The following LRRK2 variants were observed in gnomAD, a reference collection of about 807,000 sequenced individuals.
LRRK2 encodes the protein leucine-rich repeat serine/threonine-protein kinase 2.
In LRRK2, 203 loss-of-function variants were observed where a neutral mutation model predicts 302.6. The observed-to-expected ratio is 0.67, with a 90% CI of 0.60 to 0.75. The LOEUF is 0.75. Ranked by LOEUF, LRRK2 falls within the 30% of genes least tolerant of loss-of-function variation. The pLI, the probability that LRRK2 is intolerant of heterozygous loss-of-function variation, is 0.00. For synonymous variants in LRRK2, 1,066 were observed against 1,031.9 expected, an observed-to-expected ratio of 1.03 and a Z score of -0.63; for missense variants, 2,830 against 2,951.0, an observed-to-expected ratio of 0.96 and a Z score of 0.95.
chr12:40,312,596 G>C (rs558956921), intron 31 of LRRK2: 1 of 152,178 alleles, frequency 6.6e-6, no homozygotes, highest in African/African-American at 2.4e-5. Flanking sequence ...ACACTTTTAA[G>C]TTTTGTTTTT....
At chr12:40,246,304 T>C (rs1941978639) in intron 7 of LRRK2, among the ~76,000 whole-genome samples, 1 of 151,884 alleles carries the variant, frequency 6.6e-6, no homozygotes, top group Non-Finnish European at 1.5e-5. Context: ...CATCTACAGG[T>C]TTTCTAATAC....
At chr12:40,309,074 A>G (rs527646749) in intron 29 of LRRK2, 32 bp from the exon 30 acceptor site, 1 of 1,611,144 alleles carries the variant, frequency 6.2e-7, no homozygotes, top group South Asian at 1.1e-5. Context: ...CGTTTGAAAG[A>G]TTAAAAAAAT....
chr12:40,300,560 A>G (rs1944584997), intron 25 of LRRK2, among the ~76,000 whole-genome samples: 1 of 152,180 alleles, frequency 6.6e-6, no homozygotes, highest in Non-Finnish European at 1.5e-5. Flanking sequence ...TAATGATCAA[A>G]GCCATCTTAA....
intron 7 of LRRK2, among the ~76,000 whole-genome samples, chr12:40,244,294 T>C (rs1220385802): frequency 6.6e-6 from 1 of 152,220 alleles, no homozygotes; most frequent in Non-Finnish European, 1.5e-5. Context: ...TATGTTGTCT[T>C]CTGCAATTTT....
chr12:40,356,135 T>C lies in LRRK2; in HGVS notation c.6791T>C (p.Leu2264Ser). ...SKQSKQKNFL[L>S]VGTADGKLAI... ...TTTAGCAAACAAAAAAATTTTCTTTTGGTTGGAACCGCTGATGGCAAGTTA... is the reference window on the plus strand; with the variant it reads ...TTTAGCAAACAAAAAAATTTTCTTTCGGTTGGAACCGCTGATGGCAAGTTA... Residue 2264 changes from leucine to serine, a missense_variant, in exon 46 of 51, where the codon TTG becomes TCG. Physicochemically the swap from Leu to Ser is moderately radical, Grantham distance 145. This residue lies in a region of LRRK2 where 456 missense variants were observed against 456.3 expected (regional missense o/e 1.00). Transcript: ENST00000298910. 8 of 1,612,168 alleles carry C rather than the reference T, an allele frequency of 5.0e-6. No individual in the cohort carries two copies. The highest frequency in any genetic ancestry group is 6.8e-6 in the Non-Finnish European group (8 of 1,179,058).
At chr12:40,281,713 C>T (rs959291451) in intron 18 of LRRK2, among the ~76,000 whole-genome samples, 4 of 152,186 alleles carry the variant, frequency 2.6e-5, no homozygotes, top group Admixed American at 2.6e-4. Context: ...TTCACTTTCT[C>T]ATATATGTCT....
Position 40,304,033 on chromosome 12 carries a change from T to C in LRRK2, c.3676T>C (p.Leu1226=). The change falls in exon 27 of 51, where the codon TTA becomes CTA. Residue 1226 remains leucine (L), a synonymous_variant. Coordinates refer to ENST00000298910, the MANE Select transcript of LRRK2 (RefSeq NM_198578.4). ...HWKSLNLREL[L]FSHNQISILD... is the part of the protein sequence containing the mutation. ...GAAATCTTTGAACTTAAGGGAACTC[T>C]TATTTAGCCATAATCAGATCAGCAT... 6.2e-7 allele frequency: 1 copy of C among 1,613,752 alleles called. No individual in the cohort carries two copies. The highest frequency in any genetic ancestry group is 1.1e-5 in the South Asian group (1 of 91,070).
chr12:40,346,923 G>A lies in LRRK2; in HGVS notation c.6280G>A (p.Asp2094Asn), dbSNP rs1413859215. 1.2e-6 allele frequency: 2 copies of A among 1,608,530 alleles called. No homozygotes were observed. The highest frequency in any genetic ancestry group is 1.3e-5 in the African/African-American group (1 of 74,608). ...ATTAGAAATACAAGGAAAATTACCT[G>A]GTAAGTTCTGTTTTCTCTACAATGA... ...DELEIQGKLPDPVKEYGCAPW... is the reference protein window; with the variant it reads ...DELEIQGKLPNPVKEYGCAPW... The change falls in exon 42 of 51, where the codon GAT (aspartate) becomes AAT (asparagine). Residue 2094 changes from aspartate (D) to asparagine (N), a missense_variant and splice_region_variant. Physicochemically the swap from Asp to Asn is conservative, Grantham distance 23. Transcript: ENST00000298910.
chr12:40,312,635 C>T (rs1945072153), intron 31 of LRRK2: 1 of 152,068 alleles, frequency 6.6e-6, no homozygotes, highest in Admixed American at 6.6e-5. Context: ...AACTGATAAT[C>T]ATGCTGAAAG....
chr12:40,324,774 T>C (rs1402665315), intron 38 of LRRK2, among the ~76,000 whole-genome samples: 2 of 152,198 alleles, frequency 1.3e-5, no homozygotes, highest in Admixed American at 6.5e-5. Flanking sequence ...TTAGTAATAG[T>C]GGGTTAACAT....
chr12:40,302,330 CATT>C (rs1944662115), intron 25 of LRRK2, among the ~76,000 whole-genome samples: 1 of 151,930 alleles, frequency 6.6e-6, no homozygotes, highest in Admixed American at 6.6e-5. Context: ...AAATAACACC[CATT>C]ATTATTCCAT....
intron 49 of LRRK2, chr12:40,366,740 TACTG>T (rs1173849677): frequency 5.0e-6 from 2 of 396,048 alleles, no homozygotes; most frequent in Non-Finnish European, 9.4e-6. Context: ...AATGTATAAA[TACTG>T]AGCCTATTTT....
chr12:40,248,471 T>A (rs970021728), intron 7 of LRRK2, among the ~76,000 whole-genome samples: 4 of 152,180 alleles, frequency 2.6e-5, no homozygotes, highest in Admixed American at 6.5e-5. Flanking sequence ...AGGTAAAGAA[T>A]CTTTTTTCTC....
intron 31 of LRRK2, 87 bp from the exon 32 acceptor site, chr12:40,313,884 TA>T: frequency 9.9e-7 from 1 of 1,009,504 alleles, no homozygotes; most frequent in Non-Finnish European, 1.5e-6. Context: ...TCTGTTTCTG[TA>T]AAAACTGTTA....
At chr12:40,327,516 A>G (rs1242306946) in intron 38 of LRRK2, among the ~76,000 whole-genome samples, 2 of 152,182 alleles carry the variant, frequency 1.3e-5, no homozygotes, top group Non-Finnish European at 2.9e-5. Context: ...AGCCTTGAGA[A>G]TGAGAAGTAG....
intron 2 of LRRK2, among the ~76,000 whole-genome samples, chr12:40,227,313 C>A (rs1045356497): frequency 6.6e-6 from 1 of 152,132 alleles, no homozygotes; most frequent in African/African-American, 2.4e-5. Context: ...GTGTTGGCAA[C>A]GTTGCAATTT....
chr12:40,288,265 T>C (rs1291509424), intron 20 of LRRK2, among the ~76,000 whole-genome samples: 2 of 151,846 alleles, frequency 1.3e-5, no homozygotes, highest in African/African-American at 4.8e-5. Context: ...ACATATATAA[T>C]TTATATAAAA....
rs577025515 is a variant in LRRK2, at chr12:40,300,863, T to C, written c.3496+1606T>C. Reference sequence around the variant, plus strand: ...GGGGAATCTGATTCAGACTGTGGAGTCAGGAAAGCATTTCTGTGCCTGTGA... The same window carrying C: ...GGGGAATCTGATTCAGACTGTGGAGCCAGGAAAGCATTTCTGTGCCTGTGA... On this transcript the variant is annotated intron_variant, in intron 25 of 50. Transcript: ENST00000298910. The C allele has an allele frequency of 1.7e-4, 80 of 471,054 alleles. 1 individual carries two copies. Among genetic ancestry groups the C allele is most frequent in the South Asian group, 1.1e-3 (74 of 64,560 alleles). The allele number at this position is 471,054 out of a possible 1,614,324, so 29.2% of individuals were successfully genotyped here.
intron 4 of LRRK2, 82 bp downstream of exon 4, chr12:40,235,796 T>C: frequency 1.8e-6 from 1 of 542,338 alleles, no homozygotes; most frequent in Non-Finnish European, 3.1e-6. Flanking sequence ...TGTGTGTGTT[T>C]TTTTTTTTTT....
Sources: gnomAD v4.1 joint callset for allele counts (sites outside exome capture counted in the v4.1 genomes callset) on GRCh38, gnomAD v4.1.1 for gene constraint, gnomAD v4.1.1 regional missense constraint, MANE v1.5 for transcripts, NCBI Gene and HGNC (gene_info 2026-07-23, HGNC 2026-07-21) for gene names.